RNF169: variants seen among roughly 807,000 people sequenced by gnomAD.
RNF169 encodes E3 ubiquitin-protein ligase RNF169.
RNF169 carries 24 observed loss-of-function variants against 53.9 expected under a neutral mutation model. The observed-to-expected ratio is 0.45, with a 90% confidence interval of 0.32 to 0.63. RNF169 has a LOEUF of 0.63. Ranked by LOEUF, RNF169 falls within the 20% of genes least tolerant of loss-of-function variation. The probability of loss-of-function intolerance (pLI) is 0.04; values close to 1 mark genes in which losing one functional copy is unlikely to be tolerated. For missense variants in RNF169, 883 were observed against 906.2 expected (o/e 0.97, Z 0.33); for synonymous variants, 396 against 363.5 (o/e 1.09, Z -1.02).
intron 1 of RNF169, among the ~76,000 whole-genome samples, chr11:74,771,045 G>C (rs1000672810): frequency 6.6e-6 from 1 of 152,022 alleles, no homozygotes; most frequent in Admixed American, 6.6e-5. Context: ...GACCTCAGGT[G>C]ATCCCCCCCG....
At chr11:74,811,014 C>G (rs2035867783) in intron 3 of RNF169, among the ~76,000 whole-genome samples, 1 of 152,066 alleles carries the variant, frequency 6.6e-6, no homozygotes, top group Non-Finnish European at 1.5e-5. Flanking sequence ...TCTTTAGACT[C>G]CTATCTTTTA....
intron 1 of RNF169, among the ~76,000 whole-genome samples, chr11:74,787,307 TAAC>T (rs2035517376): frequency 6.6e-6 from 1 of 152,234 alleles, no homozygotes; most frequent in African/African-American, 2.4e-5. Context: ...TAATTTTTCT[TAAC>T]AAATCAAGAA....
At chr11:74,761,178 A>C (rs1311981413) in intron 1 of RNF169, among the ~76,000 whole-genome samples, 2 of 135,338 alleles carry the variant, frequency 1.5e-5, no homozygotes, top group Non-Finnish European at 1.6e-5. Context: ...ATCTTCCTCC[A>C]TCCTTTTATT....
chr11:74,788,463 A>G (rs980056042), intron 1 of RNF169, among the ~76,000 whole-genome samples: 102 of 151,906 alleles, frequency 6.7e-4, no homozygotes, highest in African/African-American at 2.3e-3. Context: ...CATGATCTCG[A>G]CTCACTGCAA....
At chr11:74,752,537 C>T (rs1289719601) in intron 1 of RNF169, among the ~76,000 whole-genome samples, 2 of 149,262 alleles carry the variant, frequency 1.3e-5, no homozygotes, top group African/African-American at 5.0e-5. Context: ...GCGTAGGCTG[C>T]AGTGAGCTGA....
In RNF169 at chr11:74,836,749, C is replaced by G. The variant is rs2036263884; in HGVS notation, c.*19C>G. On this transcript the variant is annotated 3_prime_UTR_variant, in exon 6 of 6. Coordinates refer to ENST00000299563, the MANE Select transcript of RNF169 (RefSeq NM_001098638.2). ...CAAGTAGCACCTAATGAAGTGTTACCTATTTTTAAAAGGTCTTAGGCCTTG... is the reference window on the plus strand; with the variant it reads ...CAAGTAGCACCTAATGAAGTGTTACGTATTTTTAAAAGGTCTTAGGCCTTG... The G allele has an allele frequency of 6.4e-7, 1 of 1,567,004 alleles. No homozygotes were observed.
intron 1 of RNF169, among the ~76,000 whole-genome samples, chr11:74,776,536 T>G (rs1475913869): frequency 7.0e-6 from 1 of 142,166 alleles, no homozygotes; most frequent in Admixed American, 6.9e-5. Flanking sequence ...AAAAAAAAAT[T>G]TAAGCCATTG....
intron 2 of RNF169, among the ~76,000 whole-genome samples, chr11:74,805,651 T>C (rs964061416): frequency 6.6e-6 from 1 of 152,186 alleles, no homozygotes; most frequent in Non-Finnish European, 1.5e-5. Context: ...ATAAATGGGA[T>C]AGAAAAGGCA....
At chr11:74,750,752 C>T (rs993625117) in intron 1 of RNF169, among the ~76,000 whole-genome samples, 2 of 151,232 alleles carry the variant, frequency 1.3e-5, no homozygotes, top group Admixed American at 1.3e-4. Context: ...ATTACAGGCG[C>T]CCACCACCAC....
chr11:74,832,116 T>C (rs996004256), intron 4 of RNF169: 1 of 152,214 alleles, frequency 6.6e-6, no homozygotes, highest in Non-Finnish European at 1.5e-5. Context: ...TACAGAGTGG[T>C]GGACTTCAGT....
intron 1 of RNF169, among the ~76,000 whole-genome samples, chr11:74,776,693 G>A (rs1401460069): frequency 6.6e-6 from 1 of 152,172 alleles, no homozygotes; most frequent in African/African-American, 2.4e-5. Context: ...GGAAGCTAAT[G>A]TAATTCTCTC....
chr11:74,813,028 A>T (rs2135120958), intron 3 of RNF169, among the ~76,000 whole-genome samples: 1 of 152,274 alleles, frequency 6.6e-6, no homozygotes, highest in African/African-American at 2.4e-5. Flanking sequence ...CATCCAGCTT[A>T]CCTGTTGGAA....
At chr11:74,820,069 T>C (rs560864352) in intron 4 of RNF169, among the ~76,000 whole-genome samples, 1 of 152,132 alleles carries the variant, frequency 6.6e-6, no homozygotes, top group African/African-American at 2.4e-5. Flanking sequence ...TTAGAGTGAA[T>C]TGAAATCTGA....
Position 74,749,305 on chromosome 11 carries a change from G to T in RNF169, c.425G>T (p.Arg142Leu). The T allele has an allele frequency of 8.5e-7, 1 of 1,180,214 alleles. No individual in the cohort carries two copies. Among genetic ancestry groups the T allele is most frequent in the Admixed American group, 4.6e-5 (1 of 21,750 alleles). The allele number at this position is 1,180,214 out of a possible 1,614,324, so 73.1% of individuals were successfully genotyped here. The change falls in exon 1 of 6, where the codon CGC becomes CTC. Residue 142 changes from arginine (R) to leucine (L), a missense_variant. Arg to Leu is a moderately radical substitution (Grantham distance 102). This residue lies in a region of RNF169 where 313 missense variants were observed against 279.9 expected (regional missense o/e 1.12). Coordinates refer to ENST00000299563, the MANE Select transcript of RNF169 (RefSeq NM_001098638.2). ...CGCCGCAGCCAACCCGAGCGCTGCC[G>T]CCCGCGCCGGGACGGGGGCGCGGCT... The part of the protein sequence containing the change: ...CARRSQPERC[R>L]PRRDGGAAAA...
rs1381439864 is a variant in RNF169, at chr11:74,840,892, C to T, written c.*4162C>T. The T allele has an allele frequency of 1.3e-5, 2 of 150,222 alleles. No individual in the cohort carries two copies. The highest frequency in any genetic ancestry group is 2.9e-5 in the Non-Finnish European group (2 of 67,798). The allele number at this position is 150,222 out of a possible 1,614,324, so 9.3% of individuals were successfully genotyped here. ...TAAATAATCATTAAAGTTTGACACACGCAGACACACGCACCAATGATGGGG... is the reference window on the plus strand; with the variant it reads ...TAAATAATCATTAAAGTTTGACACATGCAGACACACGCACCAATGATGGGG... On this transcript the variant is annotated 3_prime_UTR_variant, in exon 6 of 6. Coordinates refer to ENST00000299563, the MANE Select transcript of RNF169 (RefSeq NM_001098638.2).
At position 74,781,114 on chromosome 11, in the gene RNF169, A is replaced by G. The variant is rs540305647; in HGVS notation, c.503-8512A>G. Among the ~76,000 whole-genome samples the G allele has an allele frequency of 2.7e-3, 406 of 152,334 alleles. 2 individuals carry two copies. The highest frequency in any genetic ancestry group is 3.7e-3 in the Non-Finnish European group (253 of 68,040). On this transcript the variant is annotated intron_variant, in intron 1 of 5. Coordinates refer to ENST00000299563, the MANE Select transcript of RNF169 (RefSeq NM_001098638.2). ...CTAACAGTTCTCCAGTGTTGAGGAG[A>G]AAAAGTTCATGATCTTTCAAGGAAG...
At chr11:74,766,490 CTT>C (rs1032229243) in intron 1 of RNF169, among the ~76,000 whole-genome samples, 6 of 152,098 alleles carry the variant, frequency 3.9e-5, no homozygotes, top group Admixed American at 1.3e-4. Flanking sequence ...GTATTAAAGA[CTT>C]ATATTTTTAG....
At chr11:74,806,335 CTGAG>C (rs2035805346) in intron 2 of RNF169, among the ~76,000 whole-genome samples, 1 of 152,130 alleles carries the variant, frequency 6.6e-6, no homozygotes, top group African/African-American at 2.4e-5. Context: ...ACAAATAGTA[CTGAG>C]TGTCAGCAAG....
chr11:74,786,148 C>T (rs1457366044), intron 1 of RNF169, among the ~76,000 whole-genome samples: 1 of 151,680 alleles, frequency 6.6e-6, no homozygotes, highest in African/African-American at 2.4e-5. Context: ...ACCATGTTAG[C>T]CAGGATGGTC....
Sources: gnomAD v4.1 joint callset for allele counts (sites outside exome capture counted in the v4.1 genomes callset) on GRCh38, gnomAD v4.1.1 for gene constraint, gnomAD v4.1.1 regional missense constraint, MANE v1.5 for transcripts, NCBI Gene and HGNC (gene_info 2026-07-23, HGNC 2026-07-21) for gene names.